Variants in PPARGC1A observed in about 807,000 individuals in gnomAD.
PPARGC1A encodes PPARG coactivator 1 alpha.
Under a neutral mutation model 88.7 loss-of-function variants are expected in PPARGC1A, and 25 were observed. The observed-to-expected ratio is 0.28, with a 90% CI of 0.21 to 0.39. The LOEUF is 0.39. PPARGC1A is among the 10% of genes least tolerant of loss of function. PPARGC1A has a pLI of 1.00. For synonymous variants in PPARGC1A, 363 were observed against 355.6 expected (o/e 1.02, Z -0.24); for missense variants, 880 against 968.7 (o/e 0.91, Z 1.22).
the PPARGC1A span, among the ~76,000 whole-genome samples, chr4:24,302,772 A>G: frequency 6.6e-6 from 1 of 152,230 alleles, no homozygotes; most frequent in Non-Finnish European, 1.5e-5. Context: ...TTATCCATCC[A>G]AAGGGGTTTC....
At chr4:24,347,007 C>T in the PPARGC1A span, among the ~76,000 whole-genome samples, 2 of 152,094 alleles carry the variant, frequency 1.3e-5, no homozygotes, top group Non-Finnish European at 2.9e-5. Flanking sequence ...TTTTTAATTT[C>T]CATCTTGATA....
chr4:24,224,917 T>C, the PPARGC1A span, among the ~76,000 whole-genome samples: 1 of 152,136 alleles, frequency 6.6e-6, no homozygotes, highest in African/African-American at 2.4e-5. Context: ...TATGGATATC[T>C]ATATCTAAGG....
the PPARGC1A span, among the ~76,000 whole-genome samples, chr4:24,472,321 C>A: frequency 6.7e-6 from 1 of 150,226 alleles, no homozygotes; most frequent in South Asian, 2.1e-4. This position sits in a 1 kb window ranked among gnomAD's most constrained non-coding sequence, Gnocchi z 4.5. Context: ...ACCAAGTGAG[C>A]GCGCGGCAGG....
chr4:24,322,719 C>A, the PPARGC1A span, among the ~76,000 whole-genome samples: 1 of 152,148 alleles, frequency 6.6e-6, no homozygotes, highest in East Asian at 1.9e-4. Context: ...GTGTTTCTAC[C>A]TCAGAAATCA....
chr4:24,223,335 T>C, the PPARGC1A span, among the ~76,000 whole-genome samples: 2 of 150,664 alleles, frequency 1.3e-5, no homozygotes, highest in East Asian at 3.9e-4. Context: ...CTGCAACCTC[T>C]GCCTCCCACG....
chr4:23,824,334 A>T lies in PPARGC1A; in HGVS notation c.823T>A (p.Phe275Ile). The change falls in exon 7 of 13, where the codon TTT becomes ATT. Residue 275 changes from phenylalanine to isoleucine, a missense_variant. By Grantham distance (21) the Phe-to-Ile change is conservative. Coordinates refer to ENST00000264867, the MANE Select transcript of PPARGC1A (RefSeq NM_013261.5). The part of the protein sequence containing the change: ...ESPNDPKGSP[F>I]ENKTIERTLS... ...GTGCGTTCAATAGTCTTGTTCTCAA[A>T]TGGGGAACCCTTGGGGTCACTGGAA... 1 of 1,613,534 alleles carries T rather than the reference A, an allele frequency of 6.2e-7. No homozygotes were observed. Among genetic ancestry groups the T allele is most frequent in the Non-Finnish European group, 8.5e-7 (1 of 1,179,650 alleles).
the PPARGC1A span, among the ~76,000 whole-genome samples, chr4:24,266,644 C>A: frequency 2.0e-5 from 3 of 152,040 alleles, no homozygotes; most frequent in Admixed American, 2.0e-4. Flanking sequence ...GGCTTAAGGG[C>A]AGGGGAAATG....
At chr4:24,240,507 T>G in the PPARGC1A span, among the ~76,000 whole-genome samples, 1 of 152,166 alleles carries the variant, frequency 6.6e-6, no homozygotes, top group African/African-American at 2.4e-5. Flanking sequence ...CAAAGGAGTA[T>G]TTTTACACAA....
chr4:23,829,403 CTGCT>C (rs1724590935), intron 4 of PPARGC1A, 56 bp downstream of exon 4: 3 of 1,569,710 alleles, frequency 1.9e-6, no homozygotes, highest in Non-Finnish European at 2.6e-6. Flanking sequence ...ATTTGTTTTA[CTGCT>C]TCAAGCCAAA....
At chr4:23,969,670 G>C in the PPARGC1A span, among the ~76,000 whole-genome samples, 4 of 152,214 alleles carry the variant, frequency 2.6e-5, no homozygotes, top group African/African-American at 9.6e-5. Flanking sequence ...AGCTGTCCAG[G>C]AATCAACTTT....
the PPARGC1A span, among the ~76,000 whole-genome samples, chr4:24,219,041 C>T: frequency 2.0e-5 from 3 of 152,312 alleles, no homozygotes; most frequent in Non-Finnish European, 4.4e-5. Flanking sequence ...AATTGTAGTG[C>T]TATTTGTGTG....
At chr4:24,455,374 G>A in the PPARGC1A span, among the ~76,000 whole-genome samples, 5 of 152,190 alleles carry the variant, frequency 3.3e-5, no homozygotes, top group African/African-American at 4.8e-5. Context: ...CTAGATATTC[G>A]AGAGGCTGAG....
the PPARGC1A span, among the ~76,000 whole-genome samples, chr4:24,338,347 A>G: frequency 6.6e-6 from 1 of 152,204 alleles, no homozygotes; most frequent in African/African-American, 2.4e-5. Context: ...AAGTATTTTA[A>G]TGATGTTTTT....
the PPARGC1A span, among the ~76,000 whole-genome samples, chr4:23,986,750 AG>A: frequency 1.3e-5 from 2 of 152,062 alleles, no homozygotes; most frequent in Non-Finnish European, 2.9e-5. Context: ...ATTCTAACTC[AG>A]GCATGTGGAT....
the PPARGC1A span, among the ~76,000 whole-genome samples, chr4:24,195,479 CCTT>C: frequency 6.6e-6 from 1 of 152,138 alleles, no homozygotes; most frequent in Non-Finnish European, 1.5e-5. Flanking sequence ...TGTACATACT[CCTT>C]GAGTCCACAT....
Position 23,842,077 on chromosome 4 carries a change from T to A in PPARGC1A, c.235-10326A>T, listed in dbSNP as rs190862968. On this transcript the variant is annotated intron_variant, in intron 2 of 12. Coordinates refer to ENST00000264867, the MANE Select transcript of PPARGC1A (RefSeq NM_013261.5). ...TGGAAGATATTATTAGAAAAATGAG[T>A]GGGCGTGGGCTATTTTATCTTCATA... Among the ~76,000 whole-genome samples, 49 of 152,216 alleles carry A rather than the reference T, an allele frequency of 3.2e-4. No individual in the cohort carries two copies. The East Asian group carries it at 4.6e-3, about 14-fold the overall frequency.
chr4:24,170,606 T>C, the PPARGC1A span, among the ~76,000 whole-genome samples: 5 of 152,298 alleles, frequency 3.3e-5, 1 homozygote, highest in African/African-American at 9.6e-5. Flanking sequence ...GCCAGGGTGA[T>C]AGTCCATCAG....
chr4:24,094,369 C>A, the PPARGC1A span, among the ~76,000 whole-genome samples: 3 of 152,166 alleles, frequency 2.0e-5, no homozygotes, highest in African/African-American at 7.2e-5. Flanking sequence ...GGTAGTCCTG[C>A]AATATTATTT....
At chr4:23,886,844 G>C (rs2148842093) in intron 1 of PPARGC1A, among the ~76,000 whole-genome samples, 1 of 131,196 alleles carries the variant, frequency 7.6e-6, no homozygotes, top group South Asian at 3.0e-4. Flanking sequence ...GATTTTATAG[G>C]GGCATAGTCT....
Sources: gnomAD v4.1 joint callset for allele counts (sites outside exome capture counted in the v4.1 genomes callset) on GRCh38, gnomAD v4.1.1 for gene constraint, Gnocchi (gnomAD v3.1) non-coding constraint, MANE v1.5 for transcripts, NCBI Gene and HGNC (gene_info 2026-07-23, HGNC 2026-07-21) for gene names.